Variants in AKAP13 observed in about 807,000 individuals in gnomAD.
AKAP13 encodes A-kinase anchoring protein 13, also known as A-kinase anchor protein 13.
A neutral mutation model predicts 264.5 loss-of-function variants in AKAP13; 80 were observed. That is an observed-to-expected ratio of 0.30 (90% CI 0.25 to 0.36). The LOEUF is 0.36. AKAP13 is among the 10% of genes least tolerant of loss of function. The pLI, the probability that AKAP13 is intolerant of heterozygous loss-of-function variation, is 1.00. For synonymous variants in AKAP13, 1,380 were observed against 1,250.2 expected (o/e 1.10, Z -2.19); for missense variants, 3,712 against 3,435.2 (o/e 1.08, Z -2.01).
rs907789725 is a variant in AKAP13, at chr15:85,748,195, C to G, written c.*3518C>G. On this transcript the variant is annotated 3_prime_UTR_variant, in exon 37 of 37. Transcript: ENST00000394518. ...GTTTACTCTAATGATGGTGGCCCAG[C>G]TGTGCCCAGAGGACAGCCAGGCAGG... 4.0e-5 allele frequency: 6 copies of G among 150,716 alleles called. No individual in the cohort carries two copies. Among genetic ancestry groups the G allele is most frequent in the African/African-American group, 1.2e-4 (5 of 41,376 alleles). 9.3% of individuals were successfully genotyped at this position (150,716 alleles called of 1,614,324 possible).
chr15:85,744,213 G>C (rs183878791), intron 36 of AKAP13: 1 of 296,258 alleles, frequency 3.4e-6, no homozygotes, highest in African/African-American at 2.2e-5. Flanking sequence ...AACCCCAAGA[G>C]AAGTGAGGAA....
intron 5 of AKAP13, among the ~76,000 whole-genome samples, chr15:85,562,969 C>T (rs1327053893): frequency 6.6e-6 from 1 of 151,306 alleles, no homozygotes; most frequent in African/African-American, 2.4e-5. Flanking sequence ...CTGCTTCGGT[C>T]TCCCAAGGTG....
intron 1 of AKAP13, among the ~76,000 whole-genome samples, chr15:85,407,545 T>A (rs1161747987): frequency 6.6e-6 from 1 of 151,716 alleles, no homozygotes; most frequent in African/African-American, 2.4e-5. Flanking sequence ...CGGCCTGTGC[T>A]GGGTCTTAAA....
chr15:85,575,366 G>A (rs779217461), intron 6 of AKAP13, 37 bp downstream of exon 6: 3 of 1,569,704 alleles, frequency 1.9e-6, no homozygotes, highest in African/African-American at 1.4e-5. Flanking sequence ...GTATATGCAT[G>A]TGTATGTGTG....
At position 85,721,973 on chromosome 15, in the gene AKAP13, G is replaced by T. The variant is rs542301776; in HGVS notation, c.6253-18G>T. 1.6e-5 allele frequency: 26 copies of T among 1,613,468 alleles called. No individual in the cohort carries two copies. In the African/African-American group the frequency reaches 2.8e-4, roughly 17 times the overall value. ...TTTGGCGCCCCATGGCATAACTTCT[G>T]TTCTCTTTTCTCTGCAGTTTTCAGG... On this transcript the variant is annotated intron_variant, in intron 23 of 36. Transcript: ENST00000394518.
chr15:85,635,263 A>T (rs1245773905), intron 8 of AKAP13, among the ~76,000 whole-genome samples: 2 of 152,166 alleles, frequency 1.3e-5, no homozygotes, highest in African/African-American at 2.4e-5. Flanking sequence ...CTTGTAATGG[A>T]TGTCTGCTGC....
At chr15:85,664,430 CT>C (rs1232603201) in intron 12 of AKAP13, 132 bp from the exon 13 acceptor site, 2 of 869,854 alleles carry the variant, frequency 2.3e-6, no homozygotes, top group African/African-American at 3.4e-5. Context: ...GTGCCATGCC[CT>C]TTTAGACAGT....
intron 8 of AKAP13, among the ~76,000 whole-genome samples, chr15:85,636,590 CA>C (rs1457749085): frequency 6.6e-6 from 1 of 150,598 alleles, no homozygotes; most frequent in Non-Finnish European, 1.5e-5. Context: ...GAGTTTTTAT[CA>C]TGAATAGATG....
chr15:85,579,009 A>G lies in AKAP13; in HGVS notation c.941A>G (p.Asp314Gly). Residue 314 changes from aspartate (D) to glycine (G), a missense_variant, in exon 7 of 37, where the codon GAT becomes GGT. Around this residue, in one of 3 missense-constraint regions of AKAP13, gnomAD observed 2,759 missense variants for 2,411.7 expected, o/e 1.14. Coordinates refer to ENST00000394518, the MANE Select transcript of AKAP13 (RefSeq NM_007200.5). ...GATCCTTCCAGTGCCCCAGAGACAGATGGCCAGTTTCTTCCCTGTGCACCG... is the reference window on the plus strand; with the variant it reads ...GATCCTTCCAGTGCCCCAGAGACAGGTGGCCAGTTTCTTCCCTGTGCACCG... ...AQDPSSAPETDGQFLPCAPEP... is the reference protein window; with the variant it reads ...AQDPSSAPETGGQFLPCAPEP... 1 of 1,614,128 alleles carries G rather than the reference A, an allele frequency of 6.2e-7. No individual in the cohort carries two copies. Among genetic ancestry groups the G allele is most frequent in the East Asian group, 2.2e-5 (1 of 44,858 alleles).
intron 3 of AKAP13, among the ~76,000 whole-genome samples, chr15:85,528,542 G>T (rs574785326): frequency 1.3e-5 from 2 of 152,262 alleles, no homozygotes; most frequent in South Asian, 2.1e-4. Context: ...AATCCGTAAG[G>T]TTGATGGTGT....
At chr15:85,596,860 C>T (rs1233106733) in intron 8 of AKAP13, among the ~76,000 whole-genome samples, 1 of 151,994 alleles carries the variant, frequency 6.6e-6, no homozygotes, top group African/African-American at 2.4e-5. Flanking sequence ...GTTTCTTTTA[C>T]TGTGTAGAGT....
intron 30 of AKAP13, among the ~76,000 whole-genome samples, chr15:85,733,796 TATTTC>T (rs1197463057): frequency 6.6e-6 from 1 of 151,916 alleles, no homozygotes; most frequent in African/African-American, 2.4e-5. Flanking sequence ...GTAGCTTTGC[TATTTC>T]ATTTCTGTGT....
At chr15:85,624,141 A>T (rs1207174682) in intron 8 of AKAP13, among the ~76,000 whole-genome samples, 1 of 152,218 alleles carries the variant, frequency 6.6e-6, no homozygotes, top group African/African-American at 2.4e-5. Flanking sequence ...AGCCTGGGCC[A>T]TTGCTGTTTT....
chr15:85,540,460 T>C (rs1457835951), intron 4 of AKAP13, among the ~76,000 whole-genome samples: 1 of 152,198 alleles, frequency 6.6e-6, no homozygotes, highest in African/African-American at 2.4e-5. Flanking sequence ...GCAAAAATGA[T>C]GCAGCCATCC....
chr15:85,513,488 C>T (rs1229001440), intron 2 of AKAP13, among the ~76,000 whole-genome samples: 2 of 152,020 alleles, frequency 1.3e-5, no homozygotes, highest in African/African-American at 4.8e-5. Context: ...AAAGAATACT[C>T]ATATATTCTT....
chr15:85,541,339 A>C (rs1343722500), intron 4 of AKAP13, among the ~76,000 whole-genome samples: 1 of 152,208 alleles, frequency 6.6e-6, no homozygotes, highest in Non-Finnish European at 1.5e-5. Flanking sequence ...CGTTGGATAT[A>C]TATGTGATAA....
At chr15:85,736,803 A>G (rs1283793014) in intron 33 of AKAP13, among the ~76,000 whole-genome samples, 4 of 151,970 alleles carry the variant, frequency 2.6e-5, no homozygotes, top group African/African-American at 7.3e-5. Context: ...CCTTTTCTCT[A>G]TCACAAGCCT....
intron 8 of AKAP13, among the ~76,000 whole-genome samples, chr15:85,628,683 GT>G (rs1259077243): frequency 6.6e-6 from 1 of 151,588 alleles, no homozygotes; most frequent in Non-Finnish European, 1.5e-5. Context: ...TTTTTTTTCA[GT>G]TACAGCATTT....
At chr15:85,621,395 C>G (rs141930224) in intron 8 of AKAP13, 1 of 152,104 alleles carries the variant, frequency 6.6e-6, no homozygotes, top group Non-Finnish European at 1.5e-5. Flanking sequence ...ATTTTGGTTT[C>G]TCAGAAATGT....
Sources: allele counts gnomAD v4.1 joint callset (sites outside exome capture counted in the v4.1 genomes callset), GRCh38; gene constraint gnomAD v4.1.1; regional missense constraint gnomAD v4.1.1; transcripts MANE v1.5; gene names NCBI Gene and HGNC (gene_info 2026-07-23, HGNC 2026-07-21).